ARB2A: variants seen among roughly 807,000 people sequenced by gnomAD.
ARB2A encodes cotranscriptional regulator ARB2A.
the ARB2A span, among the ~76,000 whole-genome samples, chr5:93,658,812 T>A: frequency 6.6e-6 from 1 of 152,080 alleles, no homozygotes; most frequent in Non-Finnish European, 1.5e-5. Flanking sequence ...AATTGTCATA[T>A]CATAGGCTGA....
At chr5:94,083,152 C>T in the ARB2A span, among the ~76,000 whole-genome samples, 1 of 152,198 alleles carries the variant, frequency 6.6e-6, no homozygotes, top group East Asian at 1.9e-4. Flanking sequence ...CACAAGGACA[C>T]TTTGCTGAAT....
the ARB2A span, among the ~76,000 whole-genome samples, chr5:93,819,310 A>T: frequency 6.6e-6 from 1 of 152,102 alleles, no homozygotes; most frequent in East Asian, 1.9e-4. Flanking sequence ...GCAGTATTAG[A>T]CTCTTTATCC....
the ARB2A span, among the ~76,000 whole-genome samples, chr5:94,101,392 C>G: frequency 1.4e-4 from 22 of 152,246 alleles, no homozygotes; most frequent in Admixed American, 1.2e-3. Flanking sequence ...ATAGCGTTTC[C>G]TCAAAGAACT....
the ARB2A span, among the ~76,000 whole-genome samples, chr5:93,842,506 T>C: frequency 1.8e-4 from 27 of 152,216 alleles, no homozygotes; most frequent in East Asian, 5.2e-3. Context: ...AAAACTATGG[T>C]AAAAGATTTT....
At chr5:93,701,804 G>C in the ARB2A span, among the ~76,000 whole-genome samples, 3 of 152,038 alleles carry the variant, frequency 2.0e-5, no homozygotes, top group Admixed American at 1.3e-4. Flanking sequence ...CTTTTGGGGG[G>C]AATTTGCTAT....
the ARB2A span, among the ~76,000 whole-genome samples, chr5:93,775,231 A>G: frequency 2.6e-5 from 4 of 152,184 alleles, no homozygotes; most frequent in African/African-American, 9.7e-5. Flanking sequence ...AATCTGAACT[A>G]TTCTCCAAAT....
At chr5:93,687,555 C>T in the ARB2A span, among the ~76,000 whole-genome samples, 1 of 152,118 alleles carries the variant, frequency 6.6e-6, no homozygotes, top group South Asian at 2.1e-4. Context: ...GTTGTATCTA[C>T]ATACTACTAC....
At chr5:93,769,658 C>G in the ARB2A span, among the ~76,000 whole-genome samples, 1 of 152,084 alleles carries the variant, frequency 6.6e-6, no homozygotes, top group African/African-American at 2.4e-5. Context: ...AAGGAAGAAC[C>G]TTTTCACTAG....
the ARB2A span, among the ~76,000 whole-genome samples, chr5:93,689,305 C>T: frequency 6.6e-6 from 1 of 152,154 alleles, no homozygotes; most frequent in Non-Finnish European, 1.5e-5. Context: ...AGAGCAGGGG[C>T]TGTACTTGTT....
At chr5:94,047,434 G>A in the ARB2A span, among the ~76,000 whole-genome samples, 3 of 150,944 alleles carry the variant, frequency 2.0e-5, no homozygotes, top group African/African-American at 7.3e-5. Context: ...GGAGGTTGCA[G>A]TGAGCCGAGG....
chr5:93,697,163 A>G, the ARB2A span, among the ~76,000 whole-genome samples: 1 of 150,592 alleles, frequency 6.6e-6, no homozygotes, highest in East Asian at 2.0e-4. Context: ...AAGTTTATTT[A>G]GTGTTTACTT....
chr5:93,673,867 G>GA, the ARB2A span, among the ~76,000 whole-genome samples: 5 of 151,860 alleles, frequency 3.3e-5, no homozygotes, highest in Admixed American at 2.6e-4. Flanking sequence ...TAGTGGATTT[G>GA]AAAAAAACTG....
the ARB2A span, among the ~76,000 whole-genome samples, chr5:94,002,302 T>A: frequency 6.6e-6 from 1 of 152,156 alleles, no homozygotes; most frequent in African/African-American, 2.4e-5. Context: ...AAGATTTTTC[T>A]GATATTTACT....
chr5:94,004,145 A>C, the ARB2A span, among the ~76,000 whole-genome samples: 2 of 152,204 alleles, frequency 1.3e-5, no homozygotes, highest in East Asian at 3.8e-4. Flanking sequence ...TAAACAAAAA[A>C]AATGAACCTC....
At chr5:93,672,651 AG>A in the ARB2A span, among the ~76,000 whole-genome samples, 1 of 152,130 alleles carries the variant, frequency 6.6e-6, no homozygotes, top group Non-Finnish European at 1.5e-5. Context: ...TAAGCTAATG[AG>A]ATAAAGAAGA....
chr5:93,696,739 C>T, the ARB2A span, among the ~76,000 whole-genome samples: 1 of 152,044 alleles, frequency 6.6e-6, no homozygotes, highest in East Asian at 1.9e-4. Flanking sequence ...ATTCATGGCT[C>T]TCCTCTCTTC....
the ARB2A span, among the ~76,000 whole-genome samples, chr5:93,990,689 TAG>T: frequency 7.1e-6 from 1 of 141,212 alleles, no homozygotes; most frequent in South Asian, 2.3e-4. Context: ...AGAGTCATAA[TAG>T]AGTTACTAGT....
chr5:94,072,038 A>T, the ARB2A span, among the ~76,000 whole-genome samples: 1 of 152,172 alleles, frequency 6.6e-6, no homozygotes, highest in African/African-American at 2.4e-5. Flanking sequence ...TCGGTAATAA[A>T]CACAAATGAA....
the ARB2A span, among the ~76,000 whole-genome samples, chr5:94,106,892 A>AC: frequency 6.7e-6 from 1 of 149,026 alleles, no homozygotes; most frequent in Non-Finnish European, 1.5e-5. Flanking sequence ...AAAAAAAAAA[A>AC]CAAATACCAC....
Sources: gnomAD v4.1 joint callset for allele counts (sites outside exome capture counted in the v4.1 genomes callset) on GRCh38, gnomAD v4.1.1 for gene constraint, MANE v1.5 for transcripts, NCBI Gene and HGNC (gene_info 2026-07-23, HGNC 2026-07-21) for gene names.